Variants in TAOK3 observed in about 807,000 individuals in gnomAD.
The protein encoded by TAOK3 is serine/threonine-protein kinase TAO3.
TAOK3 carries 40 observed loss-of-function variants against 120.4 expected under a neutral mutation model. That is an observed-to-expected ratio of 0.33 (90% CI 0.26 to 0.43). The LOEUF is 0.43. Among genes scored for constraint, TAOK3 ranks in the 20% least tolerant of loss-of-function variants. The probability of loss-of-function intolerance (pLI) is 1.00; values close to 1 mark genes in which losing one functional copy is unlikely to be tolerated. For missense variants in TAOK3, 821 were observed against 1,112.1 expected (o/e 0.74, Z 3.72); for synonymous variants, 355 against 387.5 (o/e 0.92, Z 0.99).
At chr12:118,364,734 C>A (rs1328568364) in intron 1 of TAOK3, among the ~76,000 whole-genome samples, 3 of 151,986 alleles carry the variant, frequency 2.0e-5, no homozygotes, top group Non-Finnish European at 2.9e-5. Context: ...ACGGTGAAAT[C>A]CCCCTACTAA....
intron 5 of TAOK3, among the ~76,000 whole-genome samples, chr12:118,242,858 C>CCAAACAAACAAA (rs56963963): frequency 7.3e-5 from 11 of 150,702 alleles, no homozygotes; most frequent in Non-Finnish European, 1.0e-4. Context: ...GAATCTGTCT[C>CCAAACAAACAAA]CAAACAAACA....
At chr12:118,347,157 C>A (rs374087289) in intron 1 of TAOK3, among the ~76,000 whole-genome samples, 2 of 152,094 alleles carry the variant, frequency 1.3e-5, no homozygotes, top group African/African-American at 4.8e-5. Flanking sequence ...ACACGTGTCA[C>A]CACACCCAGC....
intron 19 of TAOK3, among the ~76,000 whole-genome samples, chr12:118,159,596 C>T (rs1276784672): frequency 3.9e-5 from 6 of 152,288 alleles, no homozygotes; most frequent in African/African-American, 9.6e-5. Context: ...CCACCGCGCC[C>T]GGCCCCACTT....
intron 11 of TAOK3, among the ~76,000 whole-genome samples, chr12:118,207,792 G>C (rs577017752): frequency 6.6e-6 from 1 of 151,660 alleles, no homozygotes; most frequent in African/African-American, 2.4e-5. Flanking sequence ...CTCAGGAGGC[G>C]AAGGTTGCAG....
At position 118,164,457 on chromosome 12, in the gene TAOK3, G is replaced by A. The variant is rs149057553; in HGVS notation, c.1900-2430C>T. On this transcript the variant is annotated intron_variant, in intron 17 of 20. Coordinates refer to ENST00000392533, the MANE Select transcript of TAOK3 (RefSeq NM_016281.4). ...TTTGAGACGGAGTTTCTACTTTGTTGCCCAGGCTGGAGTGCAATGGTGCGA... is the reference window on the plus strand; with the variant it reads ...TTTGAGACGGAGTTTCTACTTTGTTACCCAGGCTGGAGTGCAATGGTGCGA... 1.4e-3 allele frequency among the ~76,000 whole-genome samples: 206 copies of A among 151,956 alleles called. 2 individuals carry two copies. In the East Asian group the frequency reaches 0.018, roughly 13 times the overall value.
intron 1 of TAOK3, among the ~76,000 whole-genome samples, chr12:118,309,001 T>C (rs59558138): frequency 0.02 from 2,956 of 149,352 alleles, 101 homozygotes; most frequent in African/African-American, 0.069. Flanking sequence ...AATTTAGTTC[T>C]TAAAACATTT....
intron 9 of TAOK3, among the ~76,000 whole-genome samples, chr12:118,222,489 T>C (rs992095273): frequency 2.0e-5 from 3 of 150,412 alleles, no homozygotes; most frequent in Non-Finnish European, 4.4e-5. Flanking sequence ...GCTAAGATCA[T>C]GCCACTGTAC....
chr12:118,263,472 A>G (rs2041318117), intron 2 of TAOK3, among the ~76,000 whole-genome samples: 1 of 152,212 alleles, frequency 6.6e-6, no homozygotes, highest in Admixed American at 6.5e-5. Flanking sequence ...CAATCCATCA[A>G]AGGAAAAATT....
At chr12:118,254,612 GGTA>G (rs2040900161) in intron 3 of TAOK3, among the ~76,000 whole-genome samples, 1 of 152,068 alleles carries the variant, frequency 6.6e-6, no homozygotes, top group South Asian at 2.1e-4. Context: ...TAATACTTAA[GGTA>G]AAACTTGTAG....
intron 1 of TAOK3, among the ~76,000 whole-genome samples, chr12:118,354,324 A>T (rs2045305006): frequency 6.6e-6 from 1 of 152,206 alleles, no homozygotes; most frequent in African/African-American, 2.4e-5. Flanking sequence ...TCTGATAACC[A>T]AGACAACCAG....
rs189444164 is a variant in TAOK3, at chr12:118,322,834, T to C, written c.-194+49814A>G. Among the ~76,000 whole-genome samples the C allele has an allele frequency of 1.2e-3, 174 of 144,912 alleles. 1 individual carries two copies. The highest frequency in any genetic ancestry group is 2.1e-3 in the Non-Finnish European group (138 of 66,496). ...TCTGCCTCCCAGGTTCAAGCAACTC[T>C]CCTGCCTCAGCCTCCCGAGTAGCTG... On this transcript the variant is annotated intron_variant, in intron 1 of 20. Coordinates refer to ENST00000392533, the MANE Select transcript of TAOK3 (RefSeq NM_016281.4).
intron 17 of TAOK3, among the ~76,000 whole-genome samples, chr12:118,169,366 G>C (rs2138601156): frequency 7.9e-6 from 1 of 125,904 alleles, no homozygotes; most frequent in South Asian, 2.4e-4. Context: ...ATCCAGGTTG[G>C]AACGCAATGG....
chr12:118,351,864 C>CT (rs34956112), intron 1 of TAOK3, among the ~76,000 whole-genome samples: 3,315 of 71,910 alleles, frequency 0.046, 322 homozygotes, highest in East Asian at 0.14. Flanking sequence ...ATCTATAGTT[C>CT]TTTTTTTTTT....
chr12:118,214,213 A>G, intron 9 of TAOK3, 103 bp from the exon 10 acceptor site: 1 of 824,210 alleles, frequency 1.2e-6, no homozygotes, highest in Non-Finnish European at 1.9e-6. Flanking sequence ...TCAATAGCTC[A>G]TTACTGTCAT....
intron 1 of TAOK3, among the ~76,000 whole-genome samples, chr12:118,293,605 C>T (rs1430148622): frequency 1.3e-5 from 2 of 148,302 alleles, no homozygotes; most frequent in African/African-American, 5.0e-5. Context: ...ACCCGGGAGG[C>T]AGAGGTTGCA....
At chr12:118,179,045 C>A (rs2036527458) in intron 15 of TAOK3, among the ~76,000 whole-genome samples, 1 of 152,168 alleles carries the variant, frequency 6.6e-6, no homozygotes, top group South Asian at 2.1e-4. Flanking sequence ...AACATATTTA[C>A]CAAGTCAAAT....
At chr12:118,221,811 T>C (rs573274537) in intron 9 of TAOK3, among the ~76,000 whole-genome samples, 1 of 151,564 alleles carries the variant, frequency 6.6e-6, no homozygotes, top group Non-Finnish European at 1.5e-5. Context: ...ATTTTTTGTA[T>C]TTTTAGTAGA....
At chr12:118,152,177 C>T in intron 20 of TAOK3, 50 bp downstream of exon 20, 1 of 1,566,838 alleles carries the variant, frequency 6.4e-7, no homozygotes, top group Middle Eastern at 1.7e-4. Context: ...TTCCCTCAGC[C>T]ACGCCCCCTT....
At chr12:118,191,495 A>C (rs1400393365) in intron 13 of TAOK3, among the ~76,000 whole-genome samples, 1 of 152,088 alleles carries the variant, frequency 6.6e-6, no homozygotes, top group Non-Finnish European at 1.5e-5. Context: ...AATTAAGTGC[A>C]AAATTGAGTT....
Sources: allele counts gnomAD v4.1 joint callset (sites outside exome capture counted in the v4.1 genomes callset), GRCh38; gene constraint gnomAD v4.1.1; transcripts MANE v1.5; gene names NCBI Gene and HGNC (gene_info 2026-07-23, HGNC 2026-07-21).